GSG1L: variants seen among roughly 807,000 people sequenced by gnomAD.
GSG1L encodes the protein germ cell-specific gene 1-like protein.
Under a neutral mutation model 42.1 loss-of-function variants are expected in GSG1L, and 24 were observed. The observed-to-expected ratio is 0.57, with a 90% CI of 0.41 to 0.80. The LOEUF is 0.80. Among genes scored for constraint, GSG1L ranks in the 30% least tolerant of loss-of-function variants. The pLI is 0.00. For missense variants in GSG1L, 445 were observed against 472.2 expected (o/e 0.94, Z 0.53); for synonymous variants, 215 against 203.5 (o/e 1.06, Z -0.48).
intron 2 of GSG1L, among the ~76,000 whole-genome samples, chr16:27,940,637 G>A: frequency 1.2e-5 from 1 of 85,750 alleles, no homozygotes; most frequent in Non-Finnish European, 2.7e-5. Context: ...CTCACTCATA[G>A]GTGGGAATTG....
At chr16:27,913,841 A>T (rs2084420205) in intron 2 of GSG1L, among the ~76,000 whole-genome samples, 1 of 151,914 alleles carries the variant, frequency 6.6e-6, no homozygotes, top group East Asian at 1.9e-4. Context: ...TAATTATTTT[A>T]AAATTTTTTT....
intron 5 of GSG1L, among the ~76,000 whole-genome samples, chr16:27,811,183 G>A (rs989927666): frequency 2.0e-5 from 3 of 152,068 alleles, no homozygotes; most frequent in Non-Finnish European, 4.4e-5. Flanking sequence ...TACACAAATA[G>A]ACTCAAATTA....
Position 27,810,809 on chromosome 16 carries a change from T to A in GSG1L, c.831-3255A>T, listed in dbSNP as rs552483183. 2.0e-5 allele frequency among the ~76,000 whole-genome samples: 3 copies of A among 152,170 alleles called. No homozygotes were observed. In the East Asian group the frequency reaches 5.8e-4, roughly 29 times the overall value. ...TTCAAGCAATTCTCCTGCCTCAGCC[T>A]CCCGAGGAGCTGGGATCACAGGCAT... On this transcript the variant is annotated intron_variant, in intron 5 of 6. Coordinates refer to ENST00000447459, the MANE Select transcript of GSG1L (RefSeq NM_001109763.2).
At chr16:28,017,987 T>C (rs556105514) in intron 1 of GSG1L, among the ~76,000 whole-genome samples, 122 of 152,336 alleles carry the variant, frequency 8.0e-4, no homozygotes, top group Non-Finnish European at 1.4e-3. Flanking sequence ...TCTTAGACTA[T>C]ACAGATATGT....
intron 3 of GSG1L, among the ~76,000 whole-genome samples, chr16:27,859,305 G>A (rs913849627): frequency 6.6e-6 from 1 of 152,176 alleles, no homozygotes; most frequent in African/African-American, 2.4e-5. Flanking sequence ...GACAGGATCC[G>A]AGATTTGAAG....
At chr16:27,856,469 C>A (rs1302178851) in intron 3 of GSG1L, among the ~76,000 whole-genome samples, 1 of 152,106 alleles carries the variant, frequency 6.6e-6, no homozygotes, top group Non-Finnish European at 1.5e-5. Flanking sequence ...TGCTCACCAC[C>A]ATGCCCAGGT....
At chr16:27,818,402 T>C (rs1682353219) in intron 5 of GSG1L, among the ~76,000 whole-genome samples, 1 of 152,174 alleles carries the variant, frequency 6.6e-6, no homozygotes, top group African/African-American at 2.4e-5. Context: ...TCCGATCACA[T>C]GAGCCGCGTG....
intron 1 of GSG1L, among the ~76,000 whole-genome samples, chr16:28,038,419 A>G (rs558146015): frequency 2.0e-5 from 3 of 152,202 alleles, no homozygotes; most frequent in Non-Finnish European, 4.4e-5. Flanking sequence ...ATCTGAACCC[A>G]CAACCCCAGA....
intron 1 of GSG1L, among the ~76,000 whole-genome samples, chr16:27,979,247 C>A (rs2085285958): frequency 6.6e-6 from 1 of 151,792 alleles, no homozygotes; most frequent in African/African-American, 2.4e-5. Flanking sequence ...CCAGACTAGA[C>A]AACATAGCAA....
At chr16:27,840,893 G>C (rs1390423587) in intron 4 of GSG1L, among the ~76,000 whole-genome samples, 1 of 152,092 alleles carries the variant, frequency 6.6e-6, no homozygotes, top group Non-Finnish European at 1.5e-5. Flanking sequence ...CCACCTTGGA[G>C]GTCCACCCCA....
chr16:28,063,403 G>A lies in GSG1L; in HGVS notation c.22C>T (p.Arg8Ter). 7.6e-7 allele frequency: 1 copy of A among 1,323,914 alleles called. No homozygotes were observed. The highest frequency in any genetic ancestry group is 9.7e-7 in the Non-Finnish European group (1 of 1,028,824). 82.0% of individuals were successfully genotyped at this position (1,323,914 alleles called of 1,614,324 possible). The change falls in exon 1 of 7, where the codon CGA becomes TGA. Residue 8 changes from arginine (R) to a stop codon, truncating the protein, a stop_gained. Coordinates refer to ENST00000447459, the MANE Select transcript of GSG1L (RefSeq NM_001109763.2). LOFTEE classifies it high-confidence loss of function. The surrounding 1 kb of genome is among the most constrained non-coding windows in gnomAD (Gnocchi z 5.8). ...TTCAGGGCCACGGCCAGGAGCGCTC[G>A]GCCGCGGCGGCTAGTCTTCATGCCG... MKTSRRG[R>*]ALLAVALNLL...
Position 28,059,050 on chromosome 16 carries a change from G to C in GSG1L, c.349+4026C>G, listed in dbSNP as rs1268121832. ...TCCATGGGAGACACGGGTGGCTGTGGGTGGCTCAGCCCAGGGTGGCGGCAA... is the reference window on the plus strand; with the variant it reads ...TCCATGGGAGACACGGGTGGCTGTGCGTGGCTCAGCCCAGGGTGGCGGCAA... On this transcript the variant is annotated intron_variant, in intron 1 of 6. Transcript: ENST00000447459. The surrounding 1 kb of genome is among the most constrained non-coding windows in gnomAD (Gnocchi z 4.4). 6.6e-6 allele frequency among the ~76,000 whole-genome samples: 1 copy of C among 152,180 alleles called. No individual in the cohort carries two copies. Among genetic ancestry groups the C allele is most frequent in the Non-Finnish European group, 1.5e-5 (1 of 68,020 alleles).
At chr16:28,049,498 T>C (rs992130314) in intron 1 of GSG1L, among the ~76,000 whole-genome samples, 40 of 148,728 alleles carry the variant, frequency 2.7e-4, no homozygotes, top group African/African-American at 1.0e-3. Context: ...CTGAGCAACA[T>C]AGCAAGACCC....
intron 3 of GSG1L, among the ~76,000 whole-genome samples, chr16:27,851,952 G>A (rs2083519488): frequency 6.6e-6 from 1 of 152,234 alleles, no homozygotes; most frequent in African/African-American, 2.4e-5. Context: ...AGCTACCCCT[G>A]GGTGAGGACA....
At chr16:27,825,831 G>A (rs565606411) in intron 5 of GSG1L, among the ~76,000 whole-genome samples, 91 of 152,270 alleles carry the variant, frequency 6.0e-4, no homozygotes, top group African/African-American at 2.0e-3. Context: ...ACTTTGCTCG[G>A]CATTTCTCCT....
chr16:28,058,958 G>C (rs531735761), intron 1 of GSG1L, among the ~76,000 whole-genome samples: 2 of 152,318 alleles, frequency 1.3e-5, no homozygotes, highest in South Asian at 4.1e-4. Context: ...ACGATGACTC[G>C]GATGCTGGGT....
At chr16:28,035,711 A>G (rs1488645503) in intron 1 of GSG1L, among the ~76,000 whole-genome samples, 1 of 152,210 alleles carries the variant, frequency 6.6e-6, no homozygotes, top group Non-Finnish European at 1.5e-5. Context: ...GCAAATGACA[A>G]CTTAAGAATC....
intron 1 of GSG1L, among the ~76,000 whole-genome samples, chr16:28,014,654 A>ATTTTTTTTT (rs3033619): frequency 1.4e-5 from 1 of 73,452 alleles, no homozygotes; most frequent in Non-Finnish European, 2.6e-5. Flanking sequence ...CAGGCACGCT[A>ATTTTTTTTT]TTTTTTTTTT....
At chr16:27,921,742 G>A (rs1212522962) in intron 2 of GSG1L, among the ~76,000 whole-genome samples, 1 of 152,190 alleles carries the variant, frequency 6.6e-6, no homozygotes, top group African/African-American at 2.4e-5. Flanking sequence ...AGATCTTTGT[G>A]TTGGTTTCTT....
Sources: allele counts gnomAD v4.1 joint callset (sites outside exome capture counted in the v4.1 genomes callset), GRCh38; gene constraint gnomAD v4.1.1; non-coding constraint Gnocchi (gnomAD v3.1); transcripts MANE v1.5; gene names NCBI Gene and HGNC (gene_info 2026-07-23, HGNC 2026-07-21).